CACNA1S: variants seen among roughly 807,000 people sequenced by gnomAD.
CACNA1S encodes voltage-dependent L-type calcium channel subunit alpha-1S.
A neutral mutation model predicts 207.4 loss-of-function variants in CACNA1S; 126 were observed. The ratio of observed to expected loss-of-function variants is 0.61; its 90% CI spans 0.53 to 0.70. The LOEUF is 0.70. Among genes scored for constraint, CACNA1S ranks in the 30% least tolerant of loss-of-function variants. The pLI is 0.00. For missense variants in CACNA1S, 2,349 were observed against 2,422.8 expected (o/e 0.97, Z 0.64); for synonymous variants, 960 against 932.7 (o/e 1.03, Z -0.53).
At chr1:201,100,148 C>G (rs1662593193) in intron 2 of CACNA1S, among the ~76,000 whole-genome samples, 1 of 152,188 alleles carries the variant, frequency 6.6e-6, no homozygotes. Flanking sequence ...TGCTCAGGAT[C>G]CATGGAAAGT....
chr1:201,051,445 A>T lies in CACNA1S; in HGVS notation c.3954-302T>A, dbSNP rs1660645429. ...GTTCTGACCAAAGCAAGGCAGGGTCATATGTCACAGAGGCCTCAAAGAGAT... is the reference window on the plus strand; with the variant it reads ...GTTCTGACCAAAGCAAGGCAGGGTCTTATGTCACAGAGGCCTCAAAGAGAT... On this transcript the variant is annotated intron_variant, in intron 32 of 43. Coordinates refer to ENST00000362061, the MANE Select transcript of CACNA1S (RefSeq NM_000069.3). 2.6e-5 allele frequency among the ~76,000 whole-genome samples: 4 copies of T among 152,186 alleles called. No homozygotes were observed. In the South Asian group the frequency reaches 8.3e-4, roughly 32 times the overall value.
intron 6 of CACNA1S, among the ~76,000 whole-genome samples, chr1:201,088,334 C>T (rs893267567): frequency 2.0e-5 from 3 of 152,202 alleles, no homozygotes; most frequent in Admixed American, 2.0e-4. Flanking sequence ...GAGCATTATT[C>T]CCAACCATCT....
At chr1:201,110,973 G>T (rs1355990984) in intron 1 of CACNA1S, among the ~76,000 whole-genome samples, 1 of 152,204 alleles carries the variant, frequency 6.6e-6, no homozygotes, top group Non-Finnish European at 1.5e-5. Flanking sequence ...TGGATGGGGA[G>T]GCATATTACG....
intron 2 of CACNA1S, among the ~76,000 whole-genome samples, chr1:201,099,551 G>A (rs542946460): frequency 1.5e-3 from 222 of 152,308 alleles, no homozygotes; most frequent in Admixed American, 5.2e-3. Context: ...ACTCATATTC[G>A]TTGTTAACTC....
chr1:201,089,316 G>C lies in CACNA1S; in HGVS notation c.842C>G (p.Ser281Cys). 1 of 1,614,278 alleles carries C rather than the reference G, an allele frequency of 6.2e-7. No individual in the cohort carries two copies. Among genetic ancestry groups the C allele is most frequent in the Non-Finnish European group, 8.5e-7 (1 of 1,180,052 alleles). ...AATGCACTGGTACACGGTGAGCATGGAGAAGCCGAAGTTGTCGAAGTGGGT... is the reference window on the plus strand; with the variant it reads ...AATGCACTGGTACACGGTGAGCATGCAGAAGCCGAAGTTGTCGAAGTGGGT... ...GITHFDNFGF[S>C]MLTVYQCITM... Residue 281 changes from serine to cysteine, a missense_variant, in exon 6 of 44, where the codon TCC becomes TGC. Coordinates refer to ENST00000362061, the MANE Select transcript of CACNA1S (RefSeq NM_000069.3).
chr1:201,090,670 G>A lies in CACNA1S; in HGVS notation c.694+970C>T, dbSNP rs988311050. On this transcript the variant is annotated intron_variant, in intron 5 of 43. Coordinates refer to ENST00000362061, the MANE Select transcript of CACNA1S (RefSeq NM_000069.3). ...CGAGATTCTTTCAGAGTGTCGGCCT[G>A]ACCAAAATGATTTTCACAATACTGC... Among the ~76,000 whole-genome samples, 6 of 152,164 alleles carry A rather than the reference G, an allele frequency of 3.9e-5. No individual in the cohort carries two copies. The South Asian group carries it at 6.2e-4, about 16-fold the overall frequency.
intron 2 of CACNA1S, among the ~76,000 whole-genome samples, chr1:201,108,893 G>C (rs1327412925): frequency 6.6e-6 from 1 of 152,156 alleles, no homozygotes; most frequent in Non-Finnish European, 1.5e-5. Context: ...CTGTTTATAA[G>C]AGGGCTTCCC....
chr1:201,102,392 A>C (rs915631350), intron 2 of CACNA1S, among the ~76,000 whole-genome samples: 2 of 152,174 alleles, frequency 1.3e-5, no homozygotes, highest in African/African-American at 4.8e-5. Context: ...CGAGGTGCCC[A>C]AGGTAAGAGG....
Position 201,067,185 on chromosome 1 carries a change from T to C in CACNA1S, c.2551-192A>G, listed in dbSNP as rs76779825. On this transcript the variant is annotated intron_variant, in intron 19 of 43. Coordinates refer to ENST00000362061, the MANE Select transcript of CACNA1S (RefSeq NM_000069.3). ...CTATCTCTGCTCGCAGTTGTTGAAA[T>C]GTGAGGACTTCTCACGGGCAGCTGG... Among the ~76,000 whole-genome samples the C allele has an allele frequency of 8.7e-3, 1,321 of 152,376 alleles. 19 individuals carry two copies. The highest frequency in any genetic ancestry group is 0.03 in the African/African-American group (1,230 of 41,586).
At chr1:201,106,767 A>G (rs1255937844) in intron 2 of CACNA1S, among the ~76,000 whole-genome samples, 1 of 152,092 alleles carries the variant, frequency 6.6e-6, no homozygotes, top group Non-Finnish European at 1.5e-5. Flanking sequence ...GGAGCCAGGC[A>G]TCTCCCCTTC....
intron 11 of CACNA1S, 54 bp from the exon 12 acceptor site, chr1:201,077,181 C>T (rs1361979343): frequency 1.3e-6 from 2 of 1,488,084 alleles, no homozygotes; most frequent in East Asian, 4.5e-5. Context: ...CACTGGGGCC[C>T]ACGAGGTGTG....
chr1:201,100,626 G>A (rs947443424), intron 2 of CACNA1S, among the ~76,000 whole-genome samples: 4 of 152,156 alleles, frequency 2.6e-5, no homozygotes, highest in African/African-American at 7.2e-5. Flanking sequence ...CTCAGGTCTG[G>A]GTGGGCCAGA....
At chr1:201,070,145 T>A (rs1661397341) in intron 17 of CACNA1S, 127 bp downstream of exon 17, 2 of 1,055,734 alleles carry the variant, frequency 1.9e-6, no homozygotes, top group Non-Finnish European at 2.9e-6. Flanking sequence ...CACAAGATCT[T>A]AAGCTAAAAC....
intron 5 of CACNA1S, among the ~76,000 whole-genome samples, chr1:201,091,118 C>T: frequency 6.6e-6 from 1 of 152,030 alleles, no homozygotes; most frequent in Non-Finnish European, 1.5e-5. Flanking sequence ...GGTCCTGAGG[C>T]CAAAAAGTTT....
At chr1:201,062,615 G>A (rs925527524) in intron 22 of CACNA1S, 101 bp from the exon 23 acceptor site, 7 of 1,026,328 alleles carry the variant, frequency 6.8e-6, no homozygotes, top group Non-Finnish European at 1.0e-5. Context: ...GGGAGGGAAG[G>A]CAGGCATCTG....
intron 25 of CACNA1S, 139 bp from the exon 26 acceptor site, chr1:201,060,955 G>A: frequency 9.3e-7 from 1 of 1,070,712 alleles, no homozygotes; most frequent in Non-Finnish European, 1.4e-6. Flanking sequence ...CTGTTTAGGG[G>A]AATAATCCTG....
chr1:201,106,621 G>T (rs567468762), intron 2 of CACNA1S, among the ~76,000 whole-genome samples: 2 of 152,138 alleles, frequency 1.3e-5, no homozygotes, highest in Non-Finnish European at 2.9e-5. Context: ...TCAGCCTACT[G>T]TGGTGTCTTT....
chr1:201,051,160 G>C lies in CACNA1S; in HGVS notation c.3954-17C>G. On this transcript the variant is annotated splice_polypyrimidine_tract_variant and intron_variant, in intron 32 of 43. Transcript: ENST00000362061. Reference sequence around the variant, plus strand: ...GTTGCACACCTAGAGGACAGAAGAGGCTCCTGTCACCTATCTGCTCCTGCC... The same window carrying C: ...GTTGCACACCTAGAGGACAGAAGAGCCTCCTGTCACCTATCTGCTCCTGCC... The C allele has an allele frequency of 6.2e-7, 1 of 1,613,900 alleles. No homozygotes were observed. Among genetic ancestry groups the C allele is most frequent in the Non-Finnish European group, 8.5e-7 (1 of 1,179,802 alleles).
At position 201,060,674 on chromosome 1, in the gene CACNA1S, A is replaced by G. The variant is rs1558061864; in HGVS notation, c.3398T>C (p.Ile1133Thr). ...LMFALIMLNT[I>T]CLGMQHYNQS... is the part of the protein sequence containing the mutation. ...AGCCCTTACCTGCATGCCGAGGCAG[A>G]TGGTGTTGAGCATGATGAGGGCAAA... Residue 1133 changes from isoleucine (I) to threonine (T), a missense_variant, in exon 26 of 44, where the codon ATC becomes ACC. Coordinates refer to ENST00000362061, the MANE Select transcript of CACNA1S (RefSeq NM_000069.3). 1 of 1,614,044 alleles carries G rather than the reference A, an allele frequency of 6.2e-7. No individual in the cohort carries two copies. Among genetic ancestry groups the G allele is most frequent in the African/African-American group, 1.3e-5 (1 of 74,912 alleles).
Sources: allele counts gnomAD v4.1 joint callset (sites outside exome capture counted in the v4.1 genomes callset), GRCh38; gene constraint gnomAD v4.1.1; transcripts MANE v1.5; gene names NCBI Gene and HGNC (gene_info 2026-07-23, HGNC 2026-07-21).